PPP1R12A: variants seen among roughly 807,000 people sequenced by gnomAD.
The protein encoded by PPP1R12A is myosin binding subunit.
In PPP1R12A, 19 loss-of-function variants were observed where a neutral mutation model predicts 139.6. The observed-to-expected ratio is 0.14, with a 90% CI of 0.09 to 0.20. PPP1R12A has a LOEUF of 0.20. PPP1R12A is among the 10% of genes least tolerant of loss of function. PPP1R12A has a pLI of 1.00. For synonymous variants in PPP1R12A, 427 were observed against 420.6 expected (o/e 1.02, Z -0.19); for missense variants, 925 against 1,211.5 (o/e 0.76, Z 3.51).
rs765682325 is a variant in PPP1R12A, at chr12:79,836,502, C to G, written c.488-4011G>C. On this transcript the variant is annotated intron_variant, in intron 3 of 24. Transcript: ENST00000450142. Reference sequence around the variant, plus strand: ...ATTTCATGCTATCTTTATCTAATGACAAAGCAATTACCCTCTTTAGCTTCC... The same window carrying G: ...ATTTCATGCTATCTTTATCTAATGAGAAAGCAATTACCCTCTTTAGCTTCC... Among the ~76,000 whole-genome samples, 172 of 152,098 alleles carry G rather than the reference C, an allele frequency of 1.1e-3. 1 individual carries two copies. The highest frequency in any genetic ancestry group is 1.8e-3 in the Non-Finnish European group (125 of 68,024).
intron 3 of PPP1R12A, among the ~76,000 whole-genome samples, chr12:79,839,193 A>G (rs533888875): frequency 3.0e-4 from 46 of 152,298 alleles, no homozygotes; most frequent in Non-Finnish European, 5.7e-4. Context: ...TCACACTTCC[A>G]TGGGGCTTAT....
At position 79,872,962 on chromosome 12, in the gene PPP1R12A, A is replaced by G. The variant is rs774462642; in HGVS notation, c.238-24T>C. The G allele has an allele frequency of 8.1e-6, 13 of 1,601,658 alleles. No homozygotes were observed. In the Admixed American group the frequency reaches 2.1e-4, roughly 25 times the overall value. ...GCCTAAAAACAAAACAGAAAGCAAG[A>G]TTGGAAAAAATACGAATTAACACTC... On this transcript the variant is annotated intron_variant, in intron 1 of 24. Transcript: ENST00000450142.
intron 15 of PPP1R12A, 100 bp downstream of exon 15, chr12:79,798,394 A>C: frequency 1.4e-6 from 1 of 724,122 alleles, no homozygotes. Context: ...TTTCACAACA[A>C]AGTGAAAAAG....
intron 1 of PPP1R12A, among the ~76,000 whole-genome samples, chr12:79,893,121 GTAAT>G (rs1478216670): frequency 2.7e-5 from 4 of 149,258 alleles, no homozygotes; most frequent in African/African-American, 9.9e-5. Flanking sequence ...AAAAAAAAAA[GTAAT>G]TAACTACAGT....
Position 79,774,534 on chromosome 12 carries a change from A to AGAT in PPP1R12A, c.*1392_*1394dup, listed in dbSNP as rs1384941978. The AGAT allele has an allele frequency of 6.6e-6, 1 of 152,568 alleles. No individual in the cohort carries two copies. Among genetic ancestry groups the AGAT allele is most frequent in the Non-Finnish European group, 1.5e-5 (1 of 68,000 alleles). 9.5% of individuals were successfully genotyped at this position (152,568 alleles called of 1,614,324 possible). ...TTAAGGAGACAGTTATGTGCCAGAAAGATGTAGTATTTTTTGCATGGTTTA... is the reference window on the plus strand; with the variant it reads ...TTAAGGAGACAGTTATGTGCCAGAAAGATGATGTAGTATTTTTTGCATGGTTTA... On this transcript the variant is annotated 3_prime_UTR_variant, in exon 25 of 25. Transcript: ENST00000450142.
At chr12:79,861,756 G>A (rs1326906840) in intron 2 of PPP1R12A, among the ~76,000 whole-genome samples, 4 of 152,176 alleles carry the variant, frequency 2.6e-5, no homozygotes, top group Non-Finnish European at 5.9e-5. Context: ...GGGGGAAAGG[G>A]CATCTGCCAT....
intron 1 of PPP1R12A, among the ~76,000 whole-genome samples, chr12:79,925,604 T>C (rs941227012): frequency 1.3e-5 from 2 of 152,200 alleles, no homozygotes; most frequent in Non-Finnish European, 2.9e-5. Flanking sequence ...TTCACTTCTT[T>C]CCATGGTTTC....
Position 79,817,523 on chromosome 12 carries a change from T to TA in PPP1R12A, c.1115-6dup, listed in dbSNP as rs1279005342. The TA allele has an allele frequency of 1.9e-6, 3 of 1,574,050 alleles. No individual in the cohort carries two copies. The highest frequency in any genetic ancestry group is 2.6e-6 in the Non-Finnish European group (3 of 1,157,676). ...AAGCCAGGGGTTTTGTCTTATCTAT[T>TA]AAAGACAAACAATTAAGAGTCAAGA... On this transcript the variant is annotated splice_region_variant and splice_polypyrimidine_tract_variant and intron_variant, in intron 8 of 24. Coordinates refer to ENST00000450142, the MANE Select transcript of PPP1R12A (RefSeq NM_002480.3).
chr12:79,789,611 T>C (rs1432110694), intron 20 of PPP1R12A: 2 of 448,576 alleles, frequency 4.5e-6, no homozygotes, highest in South Asian at 1.6e-5. Context: ...TTCTGAAAGA[T>C]GCCATTGGCT....
chr12:79,851,126 T>C (rs1046689781), intron 2 of PPP1R12A, among the ~76,000 whole-genome samples: 17 of 152,228 alleles, frequency 1.1e-4, no homozygotes, highest in African/African-American at 3.1e-4. Flanking sequence ...GTAATAGTTA[T>C]ATGCTTCTTG....
chr12:79,872,428 T>A (rs970143145), intron 2 of PPP1R12A, among the ~76,000 whole-genome samples: 1 of 152,138 alleles, frequency 6.6e-6, no homozygotes. Flanking sequence ...GAACTATGTA[T>A]CATATTCTCC....
intron 1 of PPP1R12A, among the ~76,000 whole-genome samples, chr12:79,899,567 A>T (rs1885447682): frequency 6.6e-6 from 1 of 152,146 alleles, no homozygotes. Context: ...CAAGTAGTTC[A>T]TTCCCTTTTA....
intron 1 of PPP1R12A, among the ~76,000 whole-genome samples, chr12:79,893,647 T>A (rs1001980212): frequency 7.2e-5 from 11 of 152,228 alleles, no homozygotes; most frequent in Non-Finnish European, 1.3e-4. Flanking sequence ...GTATCATAGC[T>A]GACTTACTAC....
chr12:79,783,459 T>A (rs1195653349), intron 22 of PPP1R12A, among the ~76,000 whole-genome samples: 1 of 151,990 alleles, frequency 6.6e-6, no homozygotes, highest in African/African-American at 2.4e-5. Context: ...CACAGCGAGA[T>A]GCTGTATCCA....
intron 2 of PPP1R12A, among the ~76,000 whole-genome samples, chr12:79,868,443 T>C (rs1165046358): frequency 1.3e-5 from 2 of 152,202 alleles, no homozygotes; most frequent in East Asian, 3.8e-4. Flanking sequence ...ACTACCATAA[T>C]AAAATGCCAC....
intron 2 of PPP1R12A, among the ~76,000 whole-genome samples, chr12:79,872,462 CA>C (rs1882675592): frequency 2.0e-5 from 3 of 152,032 alleles, no homozygotes; most frequent in African/African-American, 7.2e-5. Context: ...ACCCAGTTGC[CA>C]AATTTATGAT....
intron 1 of PPP1R12A, among the ~76,000 whole-genome samples, chr12:79,928,280 A>G (rs1887996059): frequency 6.6e-6 from 1 of 152,188 alleles, no homozygotes; most frequent in African/African-American, 2.4e-5. Flanking sequence ...CCTCAAAGTC[A>G]GACCACAAAA....
intron 14 of PPP1R12A, among the ~76,000 whole-genome samples, chr12:79,799,674 TC>T (rs1331949264): frequency 6.6e-6 from 1 of 152,176 alleles, no homozygotes; most frequent in Non-Finnish European, 1.5e-5. Flanking sequence ...TTTCCTCTTG[TC>T]ACGGGGTATG....
intron 1 of PPP1R12A, among the ~76,000 whole-genome samples, chr12:79,887,432 C>T (rs923412983): frequency 6.6e-6 from 1 of 151,818 alleles, no homozygotes; most frequent in Non-Finnish European, 1.5e-5. Flanking sequence ...CCACAGGATG[C>T]CCAATTAAGA....
Sources: gnomAD v4.1 joint callset for allele counts (sites outside exome capture counted in the v4.1 genomes callset) on GRCh38, gnomAD v4.1.1 for gene constraint, MANE v1.5 for transcripts, NCBI Gene and HGNC (gene_info 2026-07-23, HGNC 2026-07-21) for gene names.